The following RBFOX1 variants were observed in gnomAD, a reference collection of about 807,000 sequenced individuals.
RBFOX1 encodes RNA binding fox-1 homolog 1.
Under a neutral mutation model 57.7 loss-of-function variants are expected in RBFOX1, and 8 were observed. That is an observed-to-expected ratio of 0.14 (90% CI 0.08 to 0.25). RBFOX1 has a LOEUF of 0.25. Among genes scored for constraint, RBFOX1 ranks in the 10% least tolerant of loss-of-function variants. The pLI, the probability that RBFOX1 is intolerant of heterozygous loss-of-function variation, is 1.00. For synonymous variants in RBFOX1, 326 were observed against 222.4 expected (o/e 1.47, Z -4.15); for missense variants, 611 against 548.5 (o/e 1.11, Z -1.14).
At chr16:6,927,851 C>T (rs1286744318) in intron 3 of RBFOX1, among the ~76,000 whole-genome samples, 1 of 152,122 alleles carries the variant, frequency 6.6e-6, no homozygotes. Context: ...GTGGATCTCA[C>T]AACACATCAT....
chr16:6,662,367 A>C (rs549255312), intron 3 of RBFOX1, among the ~76,000 whole-genome samples: 15 of 152,356 alleles, frequency 9.8e-5, no homozygotes, highest in African/African-American at 3.1e-4. Flanking sequence ...ACATGTATCA[A>C]AAGGTCACAT....
chr16:5,343,400 T>TATCTCCCAGGTTCACACCATTC (rs1214997919), intron 1 of RBFOX1, among the ~76,000 whole-genome samples: 3 of 149,122 alleles, frequency 2.0e-5, no homozygotes, highest in Non-Finnish European at 4.4e-5. Flanking sequence ...CTGCAAGCTC[T>TATCTCCCAGGTTCACACCATTC]ATCTCCCAGG....
chr16:7,389,736 C>G (rs763715465), intron 4 of RBFOX1, among the ~76,000 whole-genome samples: 1 of 152,072 alleles, frequency 6.6e-6, no homozygotes, highest in Non-Finnish European at 1.5e-5. Context: ...TATTATAATT[C>G]AGCAACAACA....
At chr16:6,396,458 G>C (rs373988365) in intron 2 of RBFOX1, among the ~76,000 whole-genome samples, 1 of 151,862 alleles carries the variant, frequency 6.6e-6, no homozygotes, top group Admixed American at 6.6e-5. Context: ...GGAAGATGCA[G>C]ATTTACCTAT....
chr16:5,270,262 A>T, intron 1 of RBFOX1: 1 of 588,166 alleles, frequency 1.7e-6, no homozygotes, highest in Non-Finnish European at 3.1e-6. Context: ...AAGAAAGATC[A>T]GTATGATGTA....
At chr16:5,329,215 C>G (rs757321223) in intron 1 of RBFOX1, among the ~76,000 whole-genome samples, 2 of 152,118 alleles carry the variant, frequency 1.3e-5, no homozygotes, top group South Asian at 4.1e-4. Flanking sequence ...ATACCTGACA[C>G]TGGGTAATTT....
chr16:6,798,212 G>T (rs1347411934), intron 3 of RBFOX1, among the ~76,000 whole-genome samples: 2 of 152,134 alleles, frequency 1.3e-5, no homozygotes, highest in Non-Finnish European at 2.9e-5. Context: ...GAAACTGGAG[G>T]TGCCTAAGAA....
chr16:6,575,116 C>T (rs2097411619), intron 2 of RBFOX1, among the ~76,000 whole-genome samples: 1 of 151,736 alleles, frequency 6.6e-6, no homozygotes, highest in Non-Finnish European at 1.5e-5. Flanking sequence ...CTGGGGTCTC[C>T]CCGCAAGGCG....
At chr16:7,455,281 C>A (rs1022322648) in intron 4 of RBFOX1, among the ~76,000 whole-genome samples, 3 of 152,098 alleles carry the variant, frequency 2.0e-5, no homozygotes, top group Admixed American at 1.3e-4. Flanking sequence ...TTGGATACAT[C>A]ACCCTCCCTA....
intron 1 of RBFOX1, chr16:6,037,352 G>C (rs1052005849): frequency 6.6e-6 from 1 of 152,064 alleles, no homozygotes; most frequent in Admixed American, 6.6e-5. Context: ...TTTTGCGGGA[G>C]AATATTTGCA....
At chr16:5,913,056 C>T (rs1258158051) in intron 4 of RBFOX1, among the ~76,000 whole-genome samples, 1 of 152,174 alleles carries the variant, frequency 6.6e-6, no homozygotes, top group Non-Finnish European at 1.5e-5. Flanking sequence ...AGCGTGTGAC[C>T]TTAGGCGAGT....
intron 2 of RBFOX1, among the ~76,000 whole-genome samples, chr16:6,354,694 C>T (rs116726556): frequency 1.8e-3 from 277 of 152,242 alleles, no homozygotes; most frequent in African/African-American, 6.1e-3. Context: ...TTGCACAGGC[C>T]GTTCCTGTAC....
At chr16:7,458,223 C>A (rs1361451252) in intron 4 of RBFOX1, among the ~76,000 whole-genome samples, 1 of 152,126 alleles carries the variant, frequency 6.6e-6, no homozygotes, top group African/African-American at 2.4e-5. Flanking sequence ...CTCTGGAGCC[C>A]TAAGTGTGTC....
At chr16:7,283,537 G>A (rs879908904) in intron 4 of RBFOX1, among the ~76,000 whole-genome samples, 1 of 152,016 alleles carries the variant, frequency 6.6e-6, no homozygotes, top group Non-Finnish European at 1.5e-5. Context: ...CCTCCCCTCT[G>A]TGTTGGCCAG....
chr16:7,051,270 TTTTA>T (rs1424481009), intron 3 of RBFOX1, among the ~76,000 whole-genome samples: 1 of 152,186 alleles, frequency 6.6e-6, no homozygotes, highest in African/African-American at 2.4e-5. Flanking sequence ...ATGTGTTCCT[TTTTA>T]TTTGTGTCCT....
At chr16:6,670,367 G>C (rs1336623763) in intron 3 of RBFOX1, among the ~76,000 whole-genome samples, 1 of 152,128 alleles carries the variant, frequency 6.6e-6, no homozygotes, top group African/African-American at 2.4e-5. Context: ...ACTGCTCCCA[G>C]ACAAACATAT....
chr16:6,758,119 T>C lies in RBFOX1; in HGVS notation c.-16+103469T>C, dbSNP rs530158415. On this transcript the variant is annotated intron_variant, in intron 3 of 15. Coordinates refer to ENST00000550418, the MANE Select transcript of RBFOX1 (RefSeq NM_018723.4). ...TAAGTAAATGGTCCAAGTCAGTAAA[T>C]GGGGATTCATGATTTTGAAACTTTG... Among the ~76,000 whole-genome samples the C allele has an allele frequency of 3.3e-5, 5 of 152,130 alleles. No individual in the cohort carries two copies. The South Asian group carries it at 6.2e-4, about 19-fold the overall frequency.
intron 11 of RBFOX1, among the ~76,000 whole-genome samples, chr16:7,650,197 C>T (rs537567641): frequency 6.6e-6 from 1 of 152,292 alleles, no homozygotes; most frequent in Admixed American, 6.5e-5. Flanking sequence ...GGCCCCTTGG[C>T]CAGCCCTAGA....
intron 3 of RBFOX1, among the ~76,000 whole-genome samples, chr16:6,943,647 G>C (rs1007867532): frequency 1.3e-5 from 2 of 151,428 alleles, no homozygotes; most frequent in Non-Finnish European, 2.9e-5. Flanking sequence ...GGCGGAGCTT[G>C]CAGTGAGCCA....
Sources: gnomAD v4.1 joint callset for allele counts (sites outside exome capture counted in the v4.1 genomes callset) on GRCh38, gnomAD v4.1.1 for gene constraint, MANE v1.5 for transcripts, NCBI Gene and HGNC (gene_info 2026-07-23, HGNC 2026-07-21) for gene names.